The following ST8SIA1 variants were observed in gnomAD, a reference collection of about 807,000 sequenced individuals.
ST8SIA1 encodes ST8 alpha-N-acetyl-neuraminide alpha-2,8-sialyltransferase 1, also known as alpha-N-acetylneuraminide alpha-2,8-sialyltransferase.
In ST8SIA1, 16 loss-of-function variants were observed where a neutral mutation model predicts 35.9. That is an observed-to-expected ratio of 0.45 (90% CI 0.30 to 0.68). The LOEUF (loss-of-function observed/expected upper bound fraction) is 0.68. Among genes scored for constraint, ST8SIA1 ranks in the 30% least tolerant of loss-of-function variants. The pLI, the probability that ST8SIA1 is intolerant of heterozygous loss-of-function variation, is 0.09. For missense variants in ST8SIA1, 383 were observed against 453.6 expected, an observed-to-expected ratio of 0.84 and a Z score of 1.41; for synonymous variants, 170 against 169.6, an observed-to-expected ratio of 1.00 and a Z score of -0.02.
rs1397271994 is a variant in ST8SIA1 at position 22,334,130 on chromosome 12, G to A, written c.103C>T (p.Leu35Phe). 1.2e-6 allele frequency: 2 copies of A among 1,614,112 alleles called. No homozygotes were observed. The highest frequency in any genetic ancestry group is 2.2e-5 in the East Asian group (1 of 44,850). Residue 35 changes from leucine (L) to phenylalanine (F), a missense_variant, in exon 1 of 5, where the codon CTC becomes TTC. Leu to Phe is a conservative substitution (Grantham distance 22). Coordinates refer to ENST00000396037, the MANE Select transcript of ST8SIA1 (RefSeq NM_003034.4). ...AGCCAACAGAGGACCACGACACAGA[G>A]GGCACTGGCTCCCATGGGCAGCCGG... Reference protein sequence around the residue: ...RTRLPMGASALCVVVLCWLYI... With the variant: ...RTRLPMGASAFCVVVLCWLYI...
intron 1 of ST8SIA1, among the ~76,000 whole-genome samples, chr12:22,312,479 A>T (rs1866461837): frequency 6.6e-6 from 1 of 152,216 alleles, no homozygotes; most frequent in Non-Finnish European, 1.5e-5. Context: ...GCTGAGCAGC[A>T]GTTGGCAACA....
chr12:22,253,182 A>G (rs1865692904), intron 3 of ST8SIA1, among the ~76,000 whole-genome samples: 1 of 152,172 alleles, frequency 6.6e-6, no homozygotes, highest in Non-Finnish European at 1.5e-5. Flanking sequence ...AGCAAGGGTA[A>G]AATAATGCAC....
At chr12:22,320,984 AAAG>A (rs1491131671) in intron 1 of ST8SIA1, among the ~76,000 whole-genome samples, 12 of 125,346 alleles carry the variant, frequency 9.6e-5, no homozygotes, top group Non-Finnish European at 1.7e-4. Context: ...AGAAAGAAAG[AAAG>A]AAAGAAAGAA....
intron 2 of ST8SIA1, among the ~76,000 whole-genome samples, chr12:22,280,701 C>T (rs1866022619): frequency 6.6e-6 from 1 of 152,170 alleles, no homozygotes. Context: ...TTAAAGTTCC[C>T]ATCAGCTATT....
intron 2 of ST8SIA1, among the ~76,000 whole-genome samples, chr12:22,267,310 C>T (rs1340267544): frequency 6.6e-6 from 1 of 150,588 alleles, no homozygotes; most frequent in East Asian, 2.0e-4. Flanking sequence ...GGATCAATTG[C>T]CTGCTAATTA....
intron 2 of ST8SIA1, among the ~76,000 whole-genome samples, chr12:22,261,709 C>T (rs1212405313): frequency 1.4e-4 from 21 of 151,986 alleles, no homozygotes; most frequent in African/African-American, 4.8e-5. Flanking sequence ...AACCGTGAGC[C>T]CCATCACTCT....
chr12:22,223,491 T>G (rs547818042), intron 4 of ST8SIA1: 5 of 997,622 alleles, frequency 5.0e-6, no homozygotes, highest in Non-Finnish European at 6.0e-6. Context: ...CCAGCTGTGA[T>G]GCTGGCGCAG....
Position 22,269,365 on chromosome 12 carries a change from G to A in ST8SIA1, c.382-13976C>T, listed in dbSNP as rs1013703252. 2.0e-5 allele frequency among the ~76,000 whole-genome samples: 3 copies of A among 151,930 alleles called. No individual in the cohort carries two copies. The South Asian group carries it at 6.3e-4, about 32-fold the overall frequency. ...TTCAAAATAACATTAAGTAATATTT[G>A]TATATTACCTGCAGTGATTTCTCAG... On this transcript the variant is annotated intron_variant, in intron 2 of 4. Coordinates refer to ENST00000396037, the MANE Select transcript of ST8SIA1 (RefSeq NM_003034.4).
At chr12:22,270,352 A>G (rs1443272295) in intron 2 of ST8SIA1, among the ~76,000 whole-genome samples, 1 of 152,244 alleles carries the variant, frequency 6.6e-6, no homozygotes, top group African/African-American at 2.4e-5. Flanking sequence ...AACAAACTAT[A>G]GTTGTAGAGT....
intron 1 of ST8SIA1, among the ~76,000 whole-genome samples, chr12:22,312,623 G>A (rs940326608): frequency 8.0e-5 from 12 of 150,764 alleles, no homozygotes; most frequent in Non-Finnish European, 1.8e-4. Flanking sequence ...TATTGCTCTT[G>A]TTGGTAAATA....
At chr12:22,296,781 G>A (rs1411568798) in intron 1 of ST8SIA1, among the ~76,000 whole-genome samples, 1 of 152,136 alleles carries the variant, frequency 6.6e-6, no homozygotes, top group East Asian at 1.9e-4. Flanking sequence ...AGGAGCATAG[G>A]GGTGGGCAGG....
rs571427422 is a variant in ST8SIA1, at chr12:22,201,683, T to C, written c.940A>G (p.Asn314Asp). 6.2e-7 allele frequency: 1 copy of C among 1,614,100 alleles called. No individual in the cohort carries two copies. The highest frequency in any genetic ancestry group is 1.1e-5 in the South Asian group (1 of 91,088). Residue 314 changes from asparagine (N) to aspartate (D), a missense_variant, in exon 5 of 5, where the codon AAC becomes GAC. By Grantham distance (23) the Asn-to-Asp change is conservative (BLOSUM62 1). Coordinates refer to ENST00000396037, the MANE Select transcript of ST8SIA1 (RefSeq NM_003034.4). Reference sequence around the variant, plus strand: ...TGGAAGCCAGAAAAGGGTAAGACGTTGTCATAGTAGTGGTGGCTGATGGGC... The same window carrying C: ...TGGAAGCCAGAAAAGGGTAAGACGTCGTCATAGTAGTGGTGGCTGATGGGC... ...EQPISHHYYD[N>D]VLPFSGFHAM... is the part of the protein sequence containing the mutation.
Position 22,334,092 on chromosome 12 carries a change from G to A in ST8SIA1, c.141C>T (p.Pro47=), listed in dbSNP as rs546852036. 1.9e-6 allele frequency: 3 copies of A among 1,614,032 alleles called. No individual in the cohort carries two copies. Among genetic ancestry groups the A allele is most frequent in the East Asian group, 4.5e-5 (2 of 44,854 alleles). Residue 47 remains proline (P), a synonymous_variant, in exon 1 of 5, where the codon CCC becomes CCT. Coordinates refer to ENST00000396037, the MANE Select transcript of ST8SIA1 (RefSeq NM_003034.4). The part of the protein sequence containing the change: ...VVVLCWLYIF[P]VYRLPNEKEI... ...CTTTCTCGTTGGGCAGCCGGTAGAC[G>A]GGGAAGATGTAGAGCCAACAGAGGA...
intron 4 of ST8SIA1, among the ~76,000 whole-genome samples, chr12:22,241,502 G>C (rs1865540477): frequency 6.6e-6 from 1 of 151,930 alleles, no homozygotes; most frequent in African/African-American, 2.4e-5. Flanking sequence ...GGCCTCCCCA[G>C]TTGCTGGGCA....
At chr12:22,205,715 C>T (rs987482256) in intron 4 of ST8SIA1, among the ~76,000 whole-genome samples, 1 of 151,584 alleles carries the variant, frequency 6.6e-6, no homozygotes, top group African/African-American at 2.4e-5. Context: ...GCCAGGAGTT[C>T]GAGACCAGCC....
At chr12:22,246,493 C>T (rs1435676379) in intron 4 of ST8SIA1, among the ~76,000 whole-genome samples, 1 of 152,160 alleles carries the variant, frequency 6.6e-6, no homozygotes, top group African/African-American at 2.4e-5. Context: ...AGAAACTCCA[C>T]AGTGCTATCT....
At chr12:22,324,976 A>G (rs559902260) in intron 1 of ST8SIA1, 1 of 152,374 alleles carries the variant, frequency 6.6e-6, no homozygotes, top group African/African-American at 2.4e-5. Flanking sequence ...TGAATAAAAG[A>G]GGATATAAAA....
chr12:22,309,354 G>A (rs1379293777), intron 1 of ST8SIA1, among the ~76,000 whole-genome samples: 13 of 152,006 alleles, frequency 8.6e-5, no homozygotes, highest in African/African-American at 2.4e-4. Flanking sequence ...AGACACCACC[G>A]ACTACAGAGT....
rs192735879 is a variant in ST8SIA1 at position 22,305,525 on chromosome 12, C to T, written c.237-18232G>A. 2.2e-4 allele frequency among the ~76,000 whole-genome samples: 33 copies of T among 152,042 alleles called. No homozygotes were observed. In the East Asian group the frequency reaches 5.0e-3, roughly 23 times the overall value. ...CCTCCCAAGTAGCTGGGATCACAGG[C>T]GCCCACTACTATGCCCAGATAATTT... On this transcript the variant is annotated intron_variant, in intron 1 of 4. Coordinates refer to ENST00000396037, the MANE Select transcript of ST8SIA1 (RefSeq NM_003034.4).
Sources: gnomAD v4.1 joint callset for allele counts (sites outside exome capture counted in the v4.1 genomes callset) on GRCh38, gnomAD v4.1.1 for gene constraint, MANE v1.5 for transcripts, NCBI Gene and HGNC (gene_info 2026-07-23, HGNC 2026-07-21) for gene names.